Variants in VPS13A observed in about 807,000 individuals in gnomAD.
VPS13A encodes intermembrane lipid transfer protein VPS13A.
A neutral mutation model predicts 390.9 loss-of-function variants in VPS13A; 264 were observed. That is an observed-to-expected ratio of 0.68 (90% CI 0.61 to 0.75). VPS13A has a LOEUF of 0.75. Among genes scored for constraint, VPS13A ranks in the 30% least tolerant of loss-of-function variants. The pLI, the probability that VPS13A is intolerant of heterozygous loss-of-function variation, is 0.00. For missense variants in VPS13A, 3,409 were observed against 3,733.9 expected (o/e 0.91, Z 2.27); for synonymous variants, 1,231 against 1,227.1 (o/e 1.00, Z -0.07).
intron 10 of VPS13A, among the ~76,000 whole-genome samples, chr9:77,214,809 A>G (rs565620334): frequency 2.0e-5 from 3 of 152,330 alleles, no homozygotes; most frequent in Admixed American, 1.3e-4. Context: ...ATTTTCCAAA[A>G]TGAGCATCCA....
At chr9:77,365,371 G>C (rs915249976) in intron 59 of VPS13A, 89 bp from the exon 60 acceptor site, 5 of 800,678 alleles carry the variant, frequency 6.2e-6, no homozygotes, top group Non-Finnish European at 8.6e-6. Context: ...GGATCTTATA[G>C]AAGAGTTTTG....
intron 24 of VPS13A, 47 bp from the exon 25 acceptor site, chr9:77,275,451 A>G (rs1331724492): frequency 3.8e-6 from 6 of 1,563,318 alleles, no homozygotes; most frequent in Middle Eastern, 1.7e-4. Context: ...ATACTGTTAA[A>G]TTGATCATTT....
intron 68 of VPS13A, among the ~76,000 whole-genome samples, chr9:77,401,663 TG>T (rs1834402094): frequency 6.6e-6 from 1 of 152,222 alleles, no homozygotes; most frequent in South Asian, 2.1e-4. Context: ...CTACTCATGA[TG>T]CTTCTTCCTC....
Position 77,283,636 on chromosome 9 carries a change from G to T in VPS13A, c.3325G>T (p.Ala1109Ser), listed in dbSNP as rs1170300122. ...AATTGTTTTAGATTCTGATATAACA[G>T]CTATATACAAAAAGGTAAGAATTCT... ...NIIVLDSDITAIYKKAVYITG... is the reference protein window; with the variant it reads ...NIIVLDSDITSIYKKAVYITG... Residue 1109 changes from alanine to serine, a missense_variant, in exon 31 of 72, where the codon GCT (alanine) becomes TCT (serine). Ala to Ser is a moderately conservative substitution (Grantham distance 99). Around this residue, in one of 5 missense-constraint regions of VPS13A, gnomAD observed 2,717 missense variants for 2,917.4 expected, o/e 0.93. Coordinates refer to ENST00000360280, the MANE Select transcript of VPS13A (RefSeq NM_033305.3). The T allele has an allele frequency of 1.9e-6, 3 of 1,605,946 alleles. No homozygotes were observed. Among genetic ancestry groups the T allele is most frequent in the Non-Finnish European group, 1.7e-6 (2 of 1,174,004 alleles).
rs777904310 is a variant in VPS13A, at chr9:77,221,287, A to T, written c.1092A>T (p.Gln364His). 8.1e-6 allele frequency: 13 copies of T among 1,613,562 alleles called. No individual in the cohort carries two copies. In the East Asian group the frequency reaches 2.9e-4, roughly 36 times the overall value. ...GAAAACATAGGCAAAAAGTGAAGCAATATAAAGAACTGTATAAAAAAAAGT... is the reference window on the plus strand; with the variant it reads ...GAAAACATAGGCAAAAAGTGAAGCATTATAAAGAACTGTATAAAAAAAAGT... ...HIRKHRQKVK[Q>H]YKELYKKKLT... The change falls in exon 13 of 72, where the codon CAA (glutamine) becomes CAT (histidine). Residue 364 changes from glutamine (Q) to histidine (H), a missense_variant. Gln to His is a conservative substitution (Grantham distance 24, BLOSUM62 0). Coordinates refer to ENST00000360280, the MANE Select transcript of VPS13A (RefSeq NM_033305.3).
At chr9:77,290,636 T>C (rs191672596) in intron 31 of VPS13A, among the ~76,000 whole-genome samples, 4 of 152,286 alleles carry the variant, frequency 2.6e-5, no homozygotes, top group Non-Finnish European at 5.9e-5. Context: ...CCCCATTGTT[T>C]TCTTAGTGCC....
rs181295727 is a variant in VPS13A, at chr9:77,311,334, A to G, written c.4115-2658A>G. Among the ~76,000 whole-genome samples, 317 of 152,306 alleles carry G rather than the reference A, an allele frequency of 2.1e-3. 3 individuals are homozygous for G. Among genetic ancestry groups the G allele is most frequent in the Non-Finnish European group, 2.0e-3 (136 of 68,028 alleles). On this transcript the variant is annotated intron_variant, in intron 35 of 71. Transcript: ENST00000360280. The stretch of plus-strand genomic sequence containing the variant: ...TTTTAAAGCAAATCCCAGATACTAT[A>G]CCATTAATTGCTATTTTTCCATAAG...
In VPS13A at chr9:77,416,140, A is replaced by G; in HGVS notation, c.*134A>G. 1.9e-6 allele frequency: 2 copies of G among 1,040,296 alleles called. No individual in the cohort carries two copies. Among genetic ancestry groups the G allele is most frequent in the Admixed American group, 4.8e-5 (2 of 42,102 alleles). 64.4% of individuals were successfully genotyped at this position (1,040,296 alleles called of 1,614,324 possible). A position where few individuals can be genotyped will look rare whatever the true frequency, so the allele number is the denominator to read the frequency against. On this transcript the variant is annotated 3_prime_UTR_variant, in exon 72 of 72. Transcript: ENST00000360280. ...ATTCTGGATGCTAAAAAACAAAAACAAACAAAAAAACAAAAACAAAAAAAC... is the reference window on the plus strand; with the variant it reads ...ATTCTGGATGCTAAAAAACAAAAACGAACAAAAAAACAAAAACAAAAAAAC...
chr9:77,288,267 T>A (rs1408186810), intron 31 of VPS13A, among the ~76,000 whole-genome samples: 2 of 152,188 alleles, frequency 1.3e-5, no homozygotes, highest in African/African-American at 4.8e-5. Context: ...TTCAATTGAA[T>A]GTTCTCTGTT....
chr9:77,339,609 C>T lies in VPS13A; in HGVS notation c.6472C>T (p.Leu2158Phe). ...TAAAGCCAGGCTACATTTAAAATTA[C>T]TTGACTATCTCAATCACGATTGGAA... ...LGKARLHLKL[L>F]DYLNHDWKSE... Residue 2158 changes from leucine to phenylalanine, a missense_variant, in exon 48 of 72, where the codon CTT becomes TTT. Physicochemically the swap from Leu to Phe is conservative, Grantham distance 22 (BLOSUM62 0). This residue lies in a region of VPS13A where 2,717 missense variants were observed against 2,917.4 expected (regional missense o/e 0.93). Transcript: ENST00000360280. The T allele has an allele frequency of 6.2e-7, 1 of 1,609,098 alleles. No individual in the cohort carries two copies. The highest frequency in any genetic ancestry group is 8.5e-7 in the Non-Finnish European group (1 of 1,177,470).
In VPS13A at chr9:77,316,206, A is replaced by C. The variant is rs758865868; in HGVS notation, c.4663A>C (p.Asn1555His). 6.2e-7 allele frequency: 1 copy of C among 1,612,488 alleles called. No homozygotes were observed. The highest frequency in any genetic ancestry group is 1.7e-5 in the Admixed American group (1 of 59,962). Residue 1555 changes from asparagine to histidine, a missense_variant, in exon 39 of 72, where the codon AAT (asparagine) becomes CAT (histidine). Coordinates refer to ENST00000360280, the MANE Select transcript of VPS13A (RefSeq NM_033305.3). ...ACAGGAATCAGTGAAGTGGGAAATT[A>C]ATGTTATTATTAAAAATCCTGAAAT... ...PTQESVKWEI[N>H]VIIKNPEIVF...
intron 45 of VPS13A, among the ~76,000 whole-genome samples, chr9:77,330,585 G>T (rs1830230976): frequency 6.6e-6 from 1 of 152,146 alleles, no homozygotes; most frequent in African/African-American, 2.4e-5. Flanking sequence ...GTGATAAGTT[G>T]AATGTGAAGT....
chr9:77,359,625 C>T (rs1832026307), intron 58 of VPS13A, among the ~76,000 whole-genome samples: 1 of 152,028 alleles, frequency 6.6e-6, no homozygotes, highest in African/African-American at 2.4e-5. Flanking sequence ...CGAGACCAAC[C>T]TGGCCAACAC....
Position 77,279,276 on chromosome 9 carries a change from G to C in VPS13A, c.2825-883G>C, listed in dbSNP as rs572848897. 1.6e-4 allele frequency among the ~76,000 whole-genome samples: 24 copies of C among 152,180 alleles called. 2 individuals are homozygous for C. The South Asian group carries it at 4.1e-3, about 26-fold the overall frequency. ...CCGGAAGTGGGGGATGGAGTGGGAA[G>C]GTGGTCTTCCCCTGAGGTTGGGCCA... On this transcript the variant is annotated intron_variant, in intron 26 of 71. Coordinates refer to ENST00000360280, the MANE Select transcript of VPS13A (RefSeq NM_033305.3).
At chr9:77,361,128 G>T (rs1443764880) in intron 59 of VPS13A, among the ~76,000 whole-genome samples, 2 of 152,024 alleles carry the variant, frequency 1.3e-5, no homozygotes, top group East Asian at 3.9e-4. Flanking sequence ...GTCTATTGAG[G>T]TATAGATCAC....
At chr9:77,196,423 C>A (rs997304490) in intron 1 of VPS13A, among the ~76,000 whole-genome samples, 1 of 152,186 alleles carries the variant, frequency 6.6e-6, no homozygotes, top group Admixed American at 6.5e-5. Flanking sequence ...AACACCAGAA[C>A]TTATTCTTCC....
chr9:77,378,754 T>C (rs1833254583), intron 67 of VPS13A, among the ~76,000 whole-genome samples: 1 of 151,996 alleles, frequency 6.6e-6, no homozygotes, highest in African/African-American at 2.4e-5. Context: ...TAGTTTGCTT[T>C]TTCTACTTTC....
At chr9:77,277,625 G>A (rs1826764102) in intron 26 of VPS13A, among the ~76,000 whole-genome samples, 1 of 152,090 alleles carries the variant, frequency 6.6e-6, no homozygotes, top group South Asian at 2.1e-4. Context: ...GATCCTTTTA[G>A]TGTCTCCATA....
intron 5 of VPS13A, among the ~76,000 whole-genome samples, chr9:77,206,363 A>G (rs1266631446): frequency 1.3e-5 from 2 of 150,778 alleles, no homozygotes; most frequent in Admixed American, 6.6e-5. Flanking sequence ...ACACATATAC[A>G]TACTAGGTAA....
Sources: gnomAD v4.1 joint callset for allele counts (sites outside exome capture counted in the v4.1 genomes callset) on GRCh38, gnomAD v4.1.1 for gene constraint, gnomAD v4.1.1 regional missense constraint, MANE v1.5 for transcripts, NCBI Gene and HGNC (gene_info 2026-07-23, HGNC 2026-07-21) for gene names.